The following TET3 variants were observed in gnomAD, a reference collection of about 807,000 sequenced individuals.
TET3 encodes the protein tet methylcytosine dioxygenase 3.
TET3 carries 19 observed loss-of-function variants against 141.4 expected under a neutral mutation model. The observed-to-expected ratio is 0.13, with a 90% CI of 0.09 to 0.20. TET3 has a LOEUF of 0.20. Among genes scored for constraint, TET3 ranks in the 10% least tolerant of loss-of-function variants. The pLI, the probability that TET3 is intolerant of heterozygous loss-of-function variation, is 1.00. For missense variants in TET3, 1,874 were observed against 2,356.9 expected, an observed-to-expected ratio of 0.80 and a Z score of 4.24; for synonymous variants, 1,043 against 980.9, an observed-to-expected ratio of 1.06 and a Z score of -1.18.
chr2:74,034,208 A>G (rs930701062), intron 3 of TET3, among the ~76,000 whole-genome samples: 4 of 150,908 alleles, frequency 2.7e-5, no homozygotes, highest in African/African-American at 9.7e-5. Context: ...GAAACACAAT[A>G]GAATGAAGCA....
chr2:73,985,725 AG>A (rs753571259), intron 1 of TET3, among the ~76,000 whole-genome samples: 2 of 152,026 alleles, frequency 1.3e-5, no homozygotes, highest in African/African-American at 2.4e-5. Context: ...GGTGGGGAAG[AG>A]GGCAACTTTC....
chr2:74,025,390 G>A (rs903419279), intron 3 of TET3, among the ~76,000 whole-genome samples: 9 of 149,980 alleles, frequency 6.0e-5, no homozygotes, highest in East Asian at 4.1e-4. Context: ...CCGGCTTCAC[G>A]CCATTCTCCT....
chr2:74,057,447 T>C (rs1395432807), intron 4 of TET3, among the ~76,000 whole-genome samples: 1 of 152,186 alleles, frequency 6.6e-6, no homozygotes, highest in Non-Finnish European at 1.5e-5. Flanking sequence ...AAACTAATAA[T>C]TGAAACCTCT....
Position 74,093,083 on chromosome 2 carries a change from T to C in TET3, c.3129+92T>C, listed in dbSNP as rs1004727806. The C allele has an allele frequency of 1.6e-5, 19 of 1,189,300 alleles. No individual in the cohort carries two copies. Among genetic ancestry groups the C allele is most frequent in the South Asian group, 4.0e-5 (3 of 75,414 alleles). 73.7% of individuals were successfully genotyped at this position (1,189,300 alleles called of 1,614,324 possible). On this transcript the variant is annotated intron_variant, in intron 9 of 11. Transcript: ENST00000409262. This position sits in a 1 kb window ranked among gnomAD's most constrained non-coding sequence, Gnocchi z 4.2. ...TGGGAAGTGGGAGAGTGGGCTCTTT[T>C]ACTCTCTTATGGGAAGAGCCTAGTC...
chr2:74,067,040 A>G (rs1362320599), intron 4 of TET3, among the ~76,000 whole-genome samples: 1 of 152,126 alleles, frequency 6.6e-6, no homozygotes, highest in Non-Finnish European at 1.5e-5. Context: ...CCTAGCACCT[A>G]TAAAGAGCTT....
intron 4 of TET3, among the ~76,000 whole-genome samples, chr2:74,072,270 T>C (rs1315769928): frequency 3.3e-5 from 5 of 152,226 alleles, no homozygotes; most frequent in African/African-American, 4.8e-5. Context: ...CCCAGCACTT[T>C]GGGAGGCCAA....
At chr2:74,121,282 C>G in the TET3 span, 1 of 152,052 alleles carries the variant, frequency 6.6e-6, no homozygotes, top group Admixed American at 6.6e-5. Flanking sequence ...CCTAATAGTT[C>G]CAACAACTTC....
chr2:74,054,752 G>A (rs1054951305), intron 4 of TET3, among the ~76,000 whole-genome samples: 14 of 152,220 alleles, frequency 9.2e-5, no homozygotes, highest in Admixed American at 1.3e-4. Flanking sequence ...TTTCAAGGTC[G>A]GGAGGGCTAA....
In TET3 at chr2:74,097,228, C is replaced by CACACACACACACAT. The variant is rs767965023; in HGVS notation, c.3268-2045_3268-2044insCACACACACATACA. On this transcript the variant is annotated intron_variant, in intron 10 of 11. Transcript: ENST00000409262. ...ACACACACACACACACACACACACA[C>CACACACACACACAT]ACATACATTCAAATGTCTGGGTAGT... 4.1e-3 allele frequency among the ~76,000 whole-genome samples: 623 copies of CACACACACACACAT among 150,752 alleles called. 3 individuals carry two copies. Among genetic ancestry groups the CACACACACACACAT allele is most frequent in the Non-Finnish European group, 6.5e-3 (441 of 67,674 alleles).
At position 74,100,735 on chromosome 2, in the gene TET3, A is replaced by G. The variant is rs1486261248; in HGVS notation, c.3947A>G (p.Glu1316Gly). The G allele has an allele frequency of 1.9e-6, 3 of 1,613,656 alleles. No homozygotes were observed. Among genetic ancestry groups the G allele is most frequent in the Non-Finnish European group, 2.5e-6 (3 of 1,179,824 alleles). The change falls in exon 12 of 12, where the codon GAG (glutamate) becomes GGG (glycine). Residue 1316 changes from glutamate (E) to glycine (G), a missense_variant. Physicochemically the swap from Glu to Gly is moderately conservative, Grantham distance 98. This residue lies in a region of TET3 where 602 missense variants were observed against 590.2 expected (regional missense o/e 1.02). Coordinates refer to ENST00000409262, the MANE Select transcript of TET3 (RefSeq NM_001287491.2). ...CACAGTGGCAGCAGTGGCAGTTTTG[A>G]GAAGAAGCCAGACCTCCACGCTCTG... ...WGHSGSSGSF[E>G]KKPDLHALHN...
At chr2:74,019,976 G>A (rs2105236477) in intron 3 of TET3, among the ~76,000 whole-genome samples, 1 of 152,202 alleles carries the variant, frequency 6.6e-6, no homozygotes, top group Non-Finnish European at 1.5e-5. Context: ...CTTCCCTTAG[G>A]GGATGAGGAC....
At chr2:74,034,331 A>G (rs953905822) in intron 3 of TET3, among the ~76,000 whole-genome samples, 1 of 151,920 alleles carries the variant, frequency 6.6e-6, no homozygotes, top group African/African-American at 2.4e-5. Context: ...TAATAAACAC[A>G]TGCCAGTTCC....
intron 4 of TET3, among the ~76,000 whole-genome samples, chr2:74,063,609 TATAGAA>T (rs1173959051): frequency 6.6e-6 from 1 of 152,114 alleles, no homozygotes; most frequent in East Asian, 1.9e-4. Context: ...AAAATAGACT[TATAGAA>T]GTAGCAAATA....
the TET3 span, among the ~76,000 whole-genome samples, chr2:74,119,055 C>T: frequency 6.6e-6 from 1 of 152,134 alleles, no homozygotes; most frequent in African/African-American, 2.4e-5. Context: ...TTTGTTCTTT[C>T]ACAATATTGC....
At chr2:74,063,222 C>T (rs1688694072) in intron 4 of TET3, among the ~76,000 whole-genome samples, 1 of 151,324 alleles carries the variant, frequency 6.6e-6, no homozygotes. Context: ...TGCCAGGCTT[C>T]TCATGTAAGA....
chr2:74,094,600 G>A (rs1050884194), intron 10 of TET3, among the ~76,000 whole-genome samples: 4 of 152,180 alleles, frequency 2.6e-5, no homozygotes, highest in African/African-American at 9.7e-5. Flanking sequence ...ATAAGAGGAA[G>A]GAGGCGAAGG....
rs1174881308 is a variant in TET3 at position 73,985,064 on chromosome 2, C to CGGCGGCGGCGGCGGCCGCGACGGTGGT, written c.-504_-478dup. The CGGCGGCGGCGGCGGCCGCGACGGTGGT allele has an allele frequency of 3.1e-4, 46 of 146,552 alleles. 1 individual carries two copies. In the East Asian group the frequency reaches 8.2e-3, roughly 26 times the overall value. 9.1% of individuals were successfully genotyped at this position (146,552 alleles called of 1,614,324 possible). A position where few individuals can be genotyped will look rare whatever the true frequency, so the allele number is the denominator to read the frequency against. On this transcript the variant is annotated 5_prime_UTR_variant, in exon 1 of 12. Transcript: ENST00000409262. ...CGCTCCGGGAGGCGGGAGCCCCAGG[C>CGGCGGCGGCGGCGGCCGCGACGGTGGT]GGCGGCGGCGGCGGCCGCGACGGTG...
intron 4 of TET3, among the ~76,000 whole-genome samples, chr2:74,059,287 G>T (rs1437230272): frequency 6.6e-6 from 1 of 152,168 alleles, no homozygotes; most frequent in East Asian, 1.9e-4. Flanking sequence ...GAGTCTCGCT[G>T]TGTTGACCAG....
downstream of TET3, among the ~76,000 whole-genome samples, chr2:74,108,602 A>C (rs1038113193): frequency 2.0e-4 from 31 of 152,196 alleles, no homozygotes; most frequent in Admixed American, 5.2e-4. Flanking sequence ...AATATACGGA[A>C]CCCGAGATTC....
Sources: gnomAD v4.1 joint callset for allele counts (sites outside exome capture counted in the v4.1 genomes callset) on GRCh38, gnomAD v4.1.1 for gene constraint, gnomAD v4.1.1 regional missense constraint, Gnocchi (gnomAD v3.1) non-coding constraint, MANE v1.5 for transcripts, NCBI Gene and HGNC (gene_info 2026-07-23, HGNC 2026-07-21) for gene names.